Variants in MYCT1 observed in about 807,000 individuals in gnomAD.
MYCT1 encodes the protein MYC target 1.
Under a neutral mutation model 15.0 loss-of-function variants are expected in MYCT1, and 12 were observed. The observed-to-expected ratio is 0.80, with a 90% confidence interval of 0.51 to 1.29. The LOEUF (loss-of-function observed/expected upper bound fraction) is 1.29, where lower values mean the gene tolerates loss of function less well. Among genes scored for constraint, MYCT1 ranks in the 50% most tolerant of loss-of-function variants. The pLI, the probability that MYCT1 is intolerant of heterozygous loss-of-function variation, is 0.00. For synonymous variants in MYCT1, 104 were observed against 102.7 expected (o/e 1.01, Z -0.07); for missense variants, 287 against 279.1 (o/e 1.03, Z -0.20).
At chr6:152,741,813 G>A in the MYCT1 span, among the ~76,000 whole-genome samples, 4 of 152,144 alleles carry the variant, frequency 2.6e-5, no homozygotes, top group Non-Finnish European at 4.4e-5. Flanking sequence ...GACTATCATC[G>A]AATGAAACTT....
chr6:152,728,242 C>T (rs1243251087), downstream of MYCT1, among the ~76,000 whole-genome samples: 7 of 151,372 alleles, frequency 4.6e-5, no homozygotes. Context: ...AGGGCTGAAA[C>T]TTAAATTAGA....
At chr6:152,726,835 T>C (rs9384043), downstream of MYCT1, among the ~76,000 whole-genome samples, 81,363 of 151,520 alleles carry the variant, frequency 0.54, 24,195 homozygotes, top group Non-Finnish European at 0.66. Context: ...CACATGATAC[T>C]GGACAGCCAG....
At chr6:152,698,456 T>C (rs2099720786) in intron 1 of MYCT1, among the ~76,000 whole-genome samples, 1 of 152,066 alleles carries the variant, frequency 6.6e-6, no homozygotes, top group Non-Finnish European at 1.5e-5. Flanking sequence ...ATATGGCATG[T>C]AGATTTTGTT....
chr6:152,733,024 T>A, the MYCT1 span, among the ~76,000 whole-genome samples: 120 of 152,312 alleles, frequency 7.9e-4, no homozygotes, highest in Non-Finnish European at 4.9e-4. Flanking sequence ...TATAGACACT[T>A]CATTTTTTAT....
At chr6:152,708,220 C>G (rs1224146276) in intron 1 of MYCT1, among the ~76,000 whole-genome samples, 1 of 151,702 alleles carries the variant, frequency 6.6e-6, no homozygotes, top group Non-Finnish European at 1.5e-5. Flanking sequence ...AAAAAGATGC[C>G]TAGGTATGTT....
In MYCT1 at chr6:152,721,866, T is replaced by A; in HGVS notation, c.321T>A (p.Ser107Arg). 1 of 1,613,438 alleles carries A rather than the reference T, an allele frequency of 6.2e-7. No homozygotes were observed. Among genetic ancestry groups the A allele is most frequent in the East Asian group, 2.2e-5 (1 of 44,834 alleles). The change falls in exon 2 of 2, where the codon AGT (serine) becomes AGA (arginine). Residue 107 changes from serine (S) to arginine (R), a missense_variant. Transcript: ENST00000367245. The part of the protein sequence containing the change: ...RRASAPISQW[S>R]SSRRSRSSYT... ...CCAGTGCTCCCATCTCACAGTGGAG[T>A]TCAAGCAGGAGATCTAGGTCTTCTT...
the MYCT1 span, among the ~76,000 whole-genome samples, chr6:152,740,110 A>T: frequency 6.6e-6 from 1 of 152,126 alleles, no homozygotes; most frequent in African/African-American, 2.4e-5. Flanking sequence ...GCAATGGTGC[A>T]ATCTCAGCTC....
the MYCT1 span, among the ~76,000 whole-genome samples, chr6:152,742,468 A>G: frequency 6.6e-6 from 1 of 152,178 alleles, no homozygotes; most frequent in African/African-American, 2.4e-5. Context: ...TGATGAGAAT[A>G]GCGTGATCCA....
chr6:152,738,981 A>G, the MYCT1 span, among the ~76,000 whole-genome samples: 1 of 152,064 alleles, frequency 6.6e-6, no homozygotes, highest in African/African-American at 2.4e-5. Flanking sequence ...AAAATCAATA[A>G]TAAAAATTTG....
At chr6:152,735,752 TTTG>T in the MYCT1 span, among the ~76,000 whole-genome samples, 5 of 152,256 alleles carry the variant, frequency 3.3e-5, no homozygotes, top group African/African-American at 1.2e-4. Flanking sequence ...GTTTAAAATA[TTTG>T]TTTACTTAAT....
At chr6:152,740,906 T>G in the MYCT1 span, among the ~76,000 whole-genome samples, 1 of 152,290 alleles carries the variant, frequency 6.6e-6, no homozygotes, top group African/African-American at 2.4e-5. Context: ...ATAGGTCAAG[T>G]TTGTAAAGAC....
At chr6:152,728,455 A>G (rs551484746), downstream of MYCT1, among the ~76,000 whole-genome samples, 4 of 152,344 alleles carry the variant, frequency 2.6e-5, no homozygotes, top group East Asian at 3.9e-4. Context: ...ATCCTTTTAC[A>G]TAAAGAGCTC....
At chr6:152,736,472 T>C in the MYCT1 span, among the ~76,000 whole-genome samples, 1 of 152,096 alleles carries the variant, frequency 6.6e-6, no homozygotes, top group African/African-American at 2.4e-5. Context: ...TATTAGAGTA[T>C]CTGGAGAAAA....
Position 152,721,779 on chromosome 6 carries a change from C to T in MYCT1, c.234C>T (p.Ile78=), listed in dbSNP as rs2099724746. The T allele has an allele frequency of 1.2e-6, 2 of 1,614,036 alleles. No homozygotes were observed. Among genetic ancestry groups the T allele is most frequent in the South Asian group, 1.1e-5 (1 of 91,066 alleles). The change falls in exon 2 of 2, where the codon ATC becomes ATT. Residue 78 remains isoleucine, a synonymous_variant. Coordinates refer to ENST00000367245, the MANE Select transcript of MYCT1 (RefSeq NM_025107.3). The stretch of plus-strand genomic sequence containing the variant: ...TGTCCTTCACTGTATCCATGGCAAT[C>T]GGGCTGGTACTTGGAGGATTTATTT... ...LIMSFTVSMA[I]GLVLGGFIWA...
intron 1 of MYCT1, among the ~76,000 whole-genome samples, chr6:152,718,842 A>G (rs2099724206): frequency 1.3e-5 from 2 of 151,992 alleles, no homozygotes; most frequent in African/African-American, 4.8e-5. Context: ...CATTTTATCT[A>G]TTATGCCTGC....
At chr6:152,714,596 T>C (rs1454607753) in intron 1 of MYCT1, among the ~76,000 whole-genome samples, 2 of 151,344 alleles carry the variant, frequency 1.3e-5, no homozygotes, top group Non-Finnish European at 3.0e-5. Context: ...ATTTTCTTTA[T>C]AGATCCTCAA....
At position 152,722,238 on chromosome 6, in the gene MYCT1, A is replaced by G; in HGVS notation, c.693A>G (p.Ala231=). 1 of 1,610,450 alleles carries G rather than the reference A, an allele frequency of 6.2e-7. No individual in the cohort carries two copies. The highest frequency in any genetic ancestry group is 8.5e-7 in the Non-Finnish European group (1 of 1,178,170). The change falls in exon 2 of 2, where the codon GCA becomes GCG. Residue 231 remains alanine, a synonymous_variant. Coordinates refer to ENST00000367245, the MANE Select transcript of MYCT1 (RefSeq NM_025107.3). ...CTGCCTATGAGTCCATCATCAAGGCATTCCCAGATTCCTGAGTAGGGTGGC... is the reference window on the plus strand; with the variant it reads ...CTGCCTATGAGTCCATCATCAAGGCGTTCCCAGATTCCTGAGTAGGGTGGC... ...PPPAYESIIK[A]FPDS is the part of the protein sequence containing the mutation.
At chr6:152,703,910 T>G (rs1002864960) in intron 1 of MYCT1, among the ~76,000 whole-genome samples, 4 of 152,098 alleles carry the variant, frequency 2.6e-5, no homozygotes, top group African/African-American at 9.6e-5. Flanking sequence ...CAGCTTTTTC[T>G]GCACAATTTC....
the MYCT1 span, among the ~76,000 whole-genome samples, chr6:152,744,592 C>T: frequency 1.1e-4 from 17 of 152,074 alleles, no homozygotes; most frequent in Non-Finnish European, 1.6e-4. Flanking sequence ...AGGAGAGAGG[C>T]CACCCTGCAG....
Sources: allele counts gnomAD v4.1 joint callset (sites outside exome capture counted in the v4.1 genomes callset), GRCh38; gene constraint gnomAD v4.1.1; transcripts MANE v1.5; gene names NCBI Gene and HGNC (gene_info 2026-07-23, HGNC 2026-07-21).